The following UTP4 variants were observed in gnomAD, a reference collection of about 807,000 sequenced individuals.
The protein encoded by UTP4 is U3 small nucleolar RNA-associated protein 4 homolog.
UTP4 carries 45 observed loss-of-function variants against 82.4 expected under a neutral mutation model. That is an observed-to-expected ratio of 0.55 (90% CI 0.43 to 0.70). The LOEUF (loss-of-function observed/expected upper bound fraction) is 0.70, where lower values mean the gene tolerates loss of function less well. Ranked by LOEUF, UTP4 falls within the 30% of genes least tolerant of loss-of-function variation. UTP4 has a pLI of 0.00. For synonymous variants in UTP4, 348 were observed against 300.3 expected, an observed-to-expected ratio of 1.16 and a Z score of -1.64; for missense variants, 819 against 858.3, an observed-to-expected ratio of 0.95 and a Z score of 0.57.
At chr16:69,154,661 A>G (rs1963361497) in intron 10 of UTP4, among the ~76,000 whole-genome samples, 1 of 152,068 alleles carries the variant, frequency 6.6e-6, no homozygotes, top group South Asian at 2.1e-4. Flanking sequence ...GTATACAGGA[A>G]ATAGGTTTCT....
At chr16:69,149,251 A>G (rs1963198014) in intron 6 of UTP4, among the ~76,000 whole-genome samples, 1 of 152,096 alleles carries the variant, frequency 6.6e-6, no homozygotes, top group African/African-American at 2.4e-5. Flanking sequence ...ATGGTGGCGC[A>G]CGCCTGTAAT....
intron 6 of UTP4, among the ~76,000 whole-genome samples, chr16:69,149,118 C>T (rs1253393697): frequency 1.3e-5 from 2 of 152,052 alleles, no homozygotes; most frequent in Non-Finnish European, 2.9e-5. Context: ...CGGTGACTCA[C>T]ACCTGTAATC....
At chr16:69,164,594 A>ATATATATATATATATATATATG (rs1009928069) in intron 14 of UTP4, among the ~76,000 whole-genome samples, 5 of 123,600 alleles carry the variant, frequency 4.0e-5, no homozygotes, top group African/African-American at 1.4e-4. Context: ...CTTTATATAT[A>ATATATATATATATATATATATG]TATATATATA....
At chr16:69,159,911 T>C (rs1963520003) in intron 12 of UTP4, among the ~76,000 whole-genome samples, 1 of 151,208 alleles carries the variant, frequency 6.6e-6, no homozygotes, top group Non-Finnish European at 1.5e-5. Context: ...TCACTTGAAT[T>C]TGGGAGTTGG....
At chr16:69,161,832 CTTTT>C (rs923235611) in intron 13 of UTP4, among the ~76,000 whole-genome samples, 10 of 150,976 alleles carry the variant, frequency 6.6e-5, no homozygotes, top group East Asian at 3.9e-4. Context: ...CCTAGCTAAT[CTTTT>C]TTTTTAGTAG....
chr16:69,159,367 T>C (rs1248265971), intron 12 of UTP4, among the ~76,000 whole-genome samples: 1 of 152,068 alleles, frequency 6.6e-6, no homozygotes. Flanking sequence ...AGGTGTGAGC[T>C]ACCACGCCTG....
intron 4 of UTP4, among the ~76,000 whole-genome samples, chr16:69,139,316 T>G (rs1962895098): frequency 6.6e-6 from 1 of 152,062 alleles, no homozygotes; most frequent in Non-Finnish European, 1.5e-5. Flanking sequence ...TTTAAAAATC[T>G]CATACATTTT....
chr16:69,136,615 T>C (rs1597132450), intron 2 of UTP4, 81 bp from the exon 3 acceptor site: 1 of 1,400,696 alleles, frequency 7.1e-7, no homozygotes, highest in East Asian at 2.3e-5. Flanking sequence ...GGAAGTTGTT[T>C]TTACCATGTT....
chr16:69,142,279 G>A (rs1962980286), intron 5 of UTP4: 1 of 152,276 alleles, frequency 6.6e-6, no homozygotes, highest in Non-Finnish European at 1.5e-5. Context: ...CCTCAGAAAT[G>A]GTTTTTCATT....
chr16:69,143,283 GTGTGGACTC>G lies in UTP4; in HGVS notation c.635_643del (p.Val212_Ser214del). 1 of 1,614,240 alleles carries G rather than the reference GTGTGGACTC, an allele frequency of 6.2e-7. No individual in the cohort carries two copies. The highest frequency in any genetic ancestry group is 8.5e-7 in the Non-Finnish European group (1 of 1,180,050). On this transcript the variant is annotated inframe_deletion, in exon 6 of 17. Coordinates refer to ENST00000314423, the MANE Select transcript of UTP4 (RefSeq NM_032830.3). Reference sequence around the variant, plus strand: ...TTCTTGTCCGATGGCACTATCATAAGTGTGGACTCTGCTGGGAAGGTGCAGTTCTGGGAC... The same window carrying G: ...TTCTTGTCCGATGGCACTATCATAAGTGCTGGGAAGGTGCAGTTCTGGGAC...
At chr16:69,150,187 T>A (rs1420849716) in intron 6 of UTP4, among the ~76,000 whole-genome samples, 1 of 152,214 alleles carries the variant, frequency 6.6e-6, no homozygotes, top group Non-Finnish European at 1.5e-5. Context: ...TGATATGAAT[T>A]TCTTTGTTAG....
At chr16:69,137,078 T>A (rs542379230) in intron 3 of UTP4, among the ~76,000 whole-genome samples, 191 bp downstream of exon 3, 1 of 152,368 alleles carries the variant, frequency 6.6e-6, no homozygotes, top group South Asian at 2.1e-4. Flanking sequence ...CCTTGTTGAT[T>A]CATTTATGAA....
At position 69,133,131 on chromosome 16, in the gene UTP4, CTGT is replaced by C. The variant is rs1332603110; in HGVS notation, c.-2-322_-2-320del. ...TCACTGTCACTACCTCAGTTTAGGTCTGTTGTTTGCAAACTTAGCAATAGAGTT... is the reference window on the plus strand; with the variant it reads ...TCACTGTCACTACCTCAGTTTAGGTCTGTTTGCAAACTTAGCAATAGAGTT... On this transcript the variant is annotated intron_variant, in intron 1 of 16. Coordinates refer to ENST00000314423, the MANE Select transcript of UTP4 (RefSeq NM_032830.3). The C allele has an allele frequency of 1.4e-5, 5 of 357,716 alleles. No individual in the cohort carries two copies. The East Asian group carries it at 3.6e-4, about 25-fold the overall frequency. The allele number at this position is 357,716 out of a possible 1,614,324, so 22.2% of individuals were successfully genotyped here.
chr16:69,159,025 T>G (rs1173142859), intron 12 of UTP4, among the ~76,000 whole-genome samples: 1 of 152,100 alleles, frequency 6.6e-6, no homozygotes, highest in Non-Finnish European at 1.5e-5. Flanking sequence ...ATGCTTCAAG[T>G]CTATTGAACT....
At chr16:69,153,532 G>C (rs1284733137) in intron 8 of UTP4, 52 bp from the exon 9 acceptor site, 2 of 1,252,846 alleles carry the variant, frequency 1.6e-6, no homozygotes, top group East Asian at 2.3e-5. Context: ...CTGGTACTAA[G>C]GCAGTAGATG....
chr16:69,155,764 T>C lies in UTP4; in HGVS notation c.1165-107T>C, dbSNP rs1963393061. On this transcript the variant is annotated intron_variant, in intron 10 of 16. Transcript: ENST00000314423. ...CACGAGGATCGAGATTATGTGTAGA[T>C]ATCTGTGGGTATGTCCAGAGTGGCA... The C allele has an allele frequency of 2.7e-6, 3 of 1,128,084 alleles. No homozygotes were observed. In the South Asian group the frequency reaches 3.7e-5, roughly 14 times the overall value. The allele number at this position is 1,128,084 out of a possible 1,614,324, so 69.9% of individuals were successfully genotyped here. A position where few individuals can be genotyped will look rare whatever the true frequency, so the allele number is the denominator to read the frequency against.
chr16:69,140,144 A>G (rs1962919397), intron 5 of UTP4, among the ~76,000 whole-genome samples: 1 of 152,254 alleles, frequency 6.6e-6, no homozygotes, highest in South Asian at 2.1e-4. Flanking sequence ...CATCGTAATA[A>G]GAATTCACAA....
At chr16:69,150,977 G>C (rs1021552130) in intron 8 of UTP4, 73 bp downstream of exon 8, 8 of 1,186,460 alleles carry the variant, frequency 6.7e-6, no homozygotes, top group Non-Finnish European at 1.0e-5. Flanking sequence ...CACAAGCTCT[G>C]AACACAGCTC....
intron 2 of UTP4, among the ~76,000 whole-genome samples, chr16:69,134,377 G>A (rs1483525363): frequency 1.3e-5 from 2 of 152,124 alleles, no homozygotes; most frequent in Non-Finnish European, 2.9e-5. Context: ...ACAAATGTCA[G>A]AGGCCCTAAC....
Sources: allele counts gnomAD v4.1 joint callset (sites outside exome capture counted in the v4.1 genomes callset), GRCh38; gene constraint gnomAD v4.1.1; transcripts MANE v1.5; gene names NCBI Gene and HGNC (gene_info 2026-07-23, HGNC 2026-07-21).